The following SND1 variants were observed in gnomAD, a reference collection of about 807,000 sequenced individuals.
SND1 encodes the protein staphylococcal nuclease domain-containing protein 1.
Under a neutral mutation model 121.7 loss-of-function variants are expected in SND1, and 38 were observed. The ratio of observed to expected loss-of-function variants is 0.31; its 90% CI spans 0.24 to 0.41. The LOEUF is 0.41. Ranked by LOEUF, SND1 falls within the 10% of genes least tolerant of loss-of-function variation. The probability of loss-of-function intolerance (pLI) is 1.00; values close to 1 mark genes in which losing one functional copy is unlikely to be tolerated. For missense variants in SND1, 868 were observed against 1,184.6 expected (o/e 0.73, Z 3.92); for synonymous variants, 401 against 447.4 (o/e 0.90, Z 1.31).
Position 127,704,867 on chromosome 7 carries a change from A to G in SND1, c.869A>G (p.Lys290Arg), listed in dbSNP as rs765696382. The stretch of plus-strand genomic sequence containing the variant: ...GGCAACATCACAGAGCTCCTCCTGA[A>G]GGAAGGTTTCGCACGCTGTGTGGAC... ...PNGNITELLL[K>R]EGFARCVDWS... is the part of the protein sequence containing the mutation. Residue 290 changes from lysine to arginine, a missense_variant, in exon 8 of 24, where the codon AAG becomes AGG. Lys to Arg is a conservative substitution (Grantham distance 26). Coordinates refer to ENST00000354725, the MANE Select transcript of SND1 (RefSeq NM_014390.4). 4 of 1,614,076 alleles carry G rather than the reference A, an allele frequency of 2.5e-6. No individual in the cohort carries two copies. Among genetic ancestry groups the G allele is most frequent in the Non-Finnish European group, 3.4e-6 (4 of 1,179,964 alleles).
At chr7:127,978,182 A>G (rs1184669460) in intron 15 of SND1, among the ~76,000 whole-genome samples, 6 of 152,210 alleles carry the variant, frequency 3.9e-5, no homozygotes, top group Non-Finnish European at 8.8e-5. Flanking sequence ...GGCAACAGTA[A>G]GAAACAAAAC....
chr7:128,063,049 C>T (rs1367682437), intron 16 of SND1, among the ~76,000 whole-genome samples: 1 of 152,124 alleles, frequency 6.6e-6, no homozygotes, highest in South Asian at 2.1e-4. Flanking sequence ...GTCTGGGCTC[C>T]GGGGGTCCAG....
At chr7:127,867,211 C>T (rs2116693498) in intron 12 of SND1, among the ~76,000 whole-genome samples, 1 of 152,312 alleles carries the variant, frequency 6.6e-6, no homozygotes, top group South Asian at 2.1e-4. Context: ...CCCTGAAGGA[C>T]ACTTCTCAGT....
intron 2 of SND1, among the ~76,000 whole-genome samples, chr7:127,692,309 T>G (rs1795934448): frequency 6.6e-6 from 1 of 152,214 alleles, no homozygotes; most frequent in Admixed American, 6.5e-5. Flanking sequence ...CAGTTGGGCA[T>G]TCTAAAGGAA....
chr7:128,070,199 CCTTCTTATAGT>C (rs1449351080), intron 16 of SND1, among the ~76,000 whole-genome samples: 1 of 152,200 alleles, frequency 6.6e-6, no homozygotes, highest in East Asian at 1.9e-4. Context: ...ACCACCTGCC[CCTTCTTATAGT>C]CTCTCGGGAG....
At chr7:128,051,936 A>G (rs994932292) in intron 16 of SND1, among the ~76,000 whole-genome samples, 2 of 152,220 alleles carry the variant, frequency 1.3e-5, no homozygotes, top group Non-Finnish European at 2.9e-5. Context: ...AATGGATCAG[A>G]TGTGTTTCCA....
At chr7:127,772,387 T>C (rs567100824) in intron 10 of SND1, among the ~76,000 whole-genome samples, 44 of 152,300 alleles carry the variant, frequency 2.9e-4, no homozygotes, top group Middle Eastern at 3.4e-3. Context: ...CGGTTGTCCC[T>C]TCAGTCCTAG....
At chr7:128,077,606 C>T (rs891552114) in intron 17 of SND1, among the ~76,000 whole-genome samples, 1 of 152,250 alleles carries the variant, frequency 6.6e-6, no homozygotes, top group Non-Finnish European at 1.5e-5. Flanking sequence ...AGAGCTCCAC[C>T]CTGGCCTTGG....
At chr7:128,070,033 A>C (rs1206583182) in intron 16 of SND1, among the ~76,000 whole-genome samples, 1 of 152,236 alleles carries the variant, frequency 6.6e-6, no homozygotes, top group Non-Finnish European at 1.5e-5. Flanking sequence ...CTCTGCCAGC[A>C]TCAAGAGCAG....
chr7:127,989,692 C>T (rs1802477193), intron 15 of SND1, among the ~76,000 whole-genome samples: 1 of 152,232 alleles, frequency 6.6e-6, no homozygotes, highest in Non-Finnish European at 1.5e-5. Flanking sequence ...TTCAGAGACA[C>T]ACATACTCCA....
intron 16 of SND1, among the ~76,000 whole-genome samples, chr7:128,043,636 A>T (rs576282626): frequency 6.6e-6 from 1 of 151,290 alleles, no homozygotes; most frequent in Admixed American, 6.6e-5. Flanking sequence ...GGTGGTGCTG[A>T]CAGGCCTGGT....
chr7:127,825,197 G>A (rs187896965), intron 11 of SND1, among the ~76,000 whole-genome samples: 2 of 152,212 alleles, frequency 1.3e-5, no homozygotes, highest in African/African-American at 4.8e-5. Context: ...TGCAATCTCC[G>A]CCTCCCGGGT....
At chr7:128,047,891 A>C (rs1378349312) in intron 16 of SND1, among the ~76,000 whole-genome samples, 2 of 151,380 alleles carry the variant, frequency 1.3e-5, no homozygotes, top group Non-Finnish European at 2.9e-5. Flanking sequence ...CTTATTGCCC[A>C]GGCTAGAGTG....
intron 11 of SND1, among the ~76,000 whole-genome samples, chr7:127,812,200 G>A (rs193238739): frequency 2.7e-4 from 41 of 152,298 alleles, no homozygotes; most frequent in Admixed American, 1.4e-3. Context: ...AGACAGGGTC[G>A]TGGTATTTTT....
chr7:127,765,138 A>T (rs370077029), intron 10 of SND1, among the ~76,000 whole-genome samples: 1 of 152,228 alleles, frequency 6.6e-6, no homozygotes, highest in East Asian at 1.9e-4. Flanking sequence ...GGAACACACC[A>T]TGATGCCACT....
intron 10 of SND1, among the ~76,000 whole-genome samples, chr7:127,726,484 C>G (rs1562992280): frequency 6.6e-6 from 1 of 152,176 alleles, no homozygotes; most frequent in Non-Finnish European, 1.5e-5. Flanking sequence ...TTTGTTTTAT[C>G]CAGTTGTTTG....
chr7:127,845,803 A>C (rs1031870703), intron 12 of SND1, among the ~76,000 whole-genome samples: 1 of 152,242 alleles, frequency 6.6e-6, no homozygotes, highest in African/African-American at 2.4e-5. Context: ...AGAATGGATT[A>C]TCTCCTTTAG....
chr7:128,014,111 A>G (rs1803173426), intron 16 of SND1, among the ~76,000 whole-genome samples: 1 of 152,128 alleles, frequency 6.6e-6, no homozygotes, highest in Non-Finnish European at 1.5e-5. Flanking sequence ...ACACCTGGCC[A>G]CTTCTTTTGG....
At chr7:128,053,875 A>G (rs908415405) in intron 16 of SND1, among the ~76,000 whole-genome samples, 2 of 152,164 alleles carry the variant, frequency 1.3e-5, no homozygotes, top group Non-Finnish European at 2.9e-5. Flanking sequence ...CGGCAGGCTG[A>G]GCTTTTCCCC....
Sources: allele counts gnomAD v4.1 joint callset (sites outside exome capture counted in the v4.1 genomes callset), GRCh38; gene constraint gnomAD v4.1.1; transcripts MANE v1.5; gene names NCBI Gene and HGNC (gene_info 2026-07-23, HGNC 2026-07-21).